Variants in HIPK2 observed in about 807,000 individuals in gnomAD.
The protein encoded by HIPK2 is homeodomain-interacting protein kinase 2.
HIPK2 carries 27 observed loss-of-function variants against 113.7 expected under a neutral mutation model. The ratio of observed to expected loss-of-function variants is 0.24; its 90% CI spans 0.17 to 0.33. HIPK2 has a LOEUF of 0.33. HIPK2 is among the 10% of genes least tolerant of loss of function. The pLI, the probability that HIPK2 is intolerant of heterozygous loss-of-function variation, is 1.00. For synonymous variants in HIPK2, 631 were observed against 642.2 expected (o/e 0.98, Z 0.26); for missense variants, 1,257 against 1,588.0 (o/e 0.79, Z 3.54).
intron 7 of HIPK2, among the ~76,000 whole-genome samples, chr7:139,616,960 G>T (rs1259604706): frequency 1.3e-5 from 2 of 152,208 alleles, no homozygotes; most frequent in African/African-American, 4.8e-5. Flanking sequence ...GAATCTTCCA[G>T]CTCTGTAGAC....
chr7:139,585,948 A>T (rs1798820545), intron 12 of HIPK2, among the ~76,000 whole-genome samples: 1 of 152,238 alleles, frequency 6.6e-6, no homozygotes, highest in Non-Finnish European at 1.5e-5. Flanking sequence ...TACCTATACA[A>T]AGAAATATGT....
intron 1 of HIPK2, among the ~76,000 whole-genome samples, chr7:139,772,277 A>C (rs1796664636): frequency 6.6e-6 from 1 of 152,230 alleles, no homozygotes; most frequent in South Asian, 2.1e-4. Context: ...CCAGGCGAAA[A>C]GGCTGGGAAT....
At chr7:139,752,478 C>A (rs1312149375) in intron 1 of HIPK2, among the ~76,000 whole-genome samples, 3 of 152,128 alleles carry the variant, frequency 2.0e-5, no homozygotes, top group Admixed American at 6.5e-5. Flanking sequence ...CCTCACCTCT[C>A]CCCCTTCTGC....
intron 1 of HIPK2, chr7:139,776,947 A>T (rs1585475876): frequency 6.6e-6 from 1 of 152,156 alleles, no homozygotes; most frequent in Non-Finnish European, 1.5e-5. Flanking sequence ...ACACAGATCG[A>T]CCCAGACCGA....
intron 5 of HIPK2, among the ~76,000 whole-genome samples, chr7:139,628,563 A>G (rs1414966384): frequency 6.6e-6 from 1 of 152,084 alleles, no homozygotes; most frequent in Non-Finnish European, 1.5e-5. Flanking sequence ...CCTCCCGAGT[A>G]GCTGAGATTA....
chr7:139,735,600 C>G (rs1795913444), intron 1 of HIPK2, among the ~76,000 whole-genome samples: 1 of 152,156 alleles, frequency 6.6e-6, no homozygotes, highest in African/African-American at 2.4e-5. Flanking sequence ...TTTTTCAGGT[C>G]AACAGGACGA....
At chr7:139,651,348 G>A (rs1801451322) in intron 2 of HIPK2, among the ~76,000 whole-genome samples, 1 of 152,166 alleles carries the variant, frequency 6.6e-6, no homozygotes, top group African/African-American at 2.4e-5. Context: ...GACACTCTTT[G>A]GCCTGCATAG....
intron 6 of HIPK2, among the ~76,000 whole-genome samples, chr7:139,622,949 T>G (rs1800286100): frequency 6.6e-6 from 1 of 152,070 alleles, no homozygotes; most frequent in African/African-American, 2.4e-5. Context: ...AACCCAGAGG[T>G]GGAAGGACTC....
intron 2 of HIPK2, among the ~76,000 whole-genome samples, chr7:139,647,122 T>C (rs1801261600): frequency 8.0e-6 from 1 of 125,406 alleles, no homozygotes; most frequent in Non-Finnish European, 1.8e-5. Flanking sequence ...ACTGATAGTT[T>C]TTTTTTTTTT....
chr7:139,607,564 T>C (rs529636376), intron 9 of HIPK2, among the ~76,000 whole-genome samples: 5 of 152,106 alleles, frequency 3.3e-5, no homozygotes, highest in South Asian at 2.1e-4. Flanking sequence ...TACAGAAAAC[T>C]AACCCAATGG....
At chr7:139,753,778 C>A (rs1291267358) in intron 1 of HIPK2, among the ~76,000 whole-genome samples, 1 of 152,226 alleles carries the variant, frequency 6.6e-6, no homozygotes. Flanking sequence ...CGGCCCCCAG[C>A]CAACGCCCTG....
intron 6 of HIPK2, among the ~76,000 whole-genome samples, chr7:139,622,445 T>C (rs556052923): frequency 1.1e-4 from 16 of 152,352 alleles, no homozygotes; most frequent in African/African-American, 2.6e-4. Flanking sequence ...GCTTAAAGCA[T>C]TTGGTTTCGT....
At chr7:139,590,436 G>A (rs990089082) in intron 12 of HIPK2, among the ~76,000 whole-genome samples, 1 of 152,140 alleles carries the variant, frequency 6.6e-6, no homozygotes, top group South Asian at 2.1e-4. Flanking sequence ...TTCCCTGTAG[G>A]GTCTTATCTG....
chr7:139,654,436 C>T (rs1801584242), intron 2 of HIPK2, among the ~76,000 whole-genome samples: 2 of 152,098 alleles, frequency 1.3e-5, no homozygotes, highest in Admixed American at 1.3e-4. Context: ...CTGCTTGAGT[C>T]TGAGAGGTTC....
rs367777286 is a variant in HIPK2, at chr7:139,572,981, G to A, written c.3543C>T (p.Val1181=). The A allele has an allele frequency of 2.0e-6, 3 of 1,535,624 alleles. No homozygotes were observed. Among genetic ancestry groups the A allele is most frequent in the Admixed American group, 3.5e-5 (2 of 57,056 alleles). Reference sequence around the variant, plus strand: ...CGGGGCTCAGTGGGTATCCAGTGTAGACGGTGGAGGCTGGCGAGGCGCTGA... The same window carrying A: ...CGGGGCTCAGTGGGTATCCAGTGTAAACGGTGGAGGCTGGCGAGGCGCTGA... ...TYISASPAST[V]YTGYPLSPAK... is the part of the protein sequence containing the mutation. Residue 1181 remains valine, a synonymous_variant, in exon 15 of 15, where the codon GTC becomes GTT. Coordinates refer to ENST00000406875, the MANE Select transcript of HIPK2 (RefSeq NM_022740.5).
chr7:139,721,174 G>A (rs557305139), intron 1 of HIPK2, among the ~76,000 whole-genome samples: 2 of 152,214 alleles, frequency 1.3e-5, no homozygotes, highest in Non-Finnish European at 2.9e-5. Context: ...CAGTGCAGAC[G>A]TGTTACCTTT....
rs1372702299 is a variant in HIPK2, at chr7:139,614,427, A to G, written c.1849T>C (p.Ser617Pro). The G allele has an allele frequency of 1.3e-6, 2 of 1,554,476 alleles. No individual in the cohort carries two copies. The highest frequency in any genetic ancestry group is 1.4e-5 in the African/African-American group (1 of 72,938). ...GCCGCTGAGGGCTGGTAGAGTGTAG[A>G]TGGGTAGTTTAGTATGGAGACTTCG... Reference protein sequence around the residue: ...NPEVSILNYPSTLYQPSAASM... With the variant: ...NPEVSILNYPPTLYQPSAASM... The change falls in exon 8 of 15, where the codon TCT (serine) becomes CCT (proline). Residue 617 changes from serine (S) to proline (P), a missense_variant. By Grantham distance (74) the Ser-to-Pro change is moderately conservative. This residue lies in a region of HIPK2 where 862 missense variants were observed against 1,004.3 expected (regional missense o/e 0.86). Coordinates refer to ENST00000406875, the MANE Select transcript of HIPK2 (RefSeq NM_022740.5).
chr7:139,635,680 G>C (rs1201238712), intron 2 of HIPK2, among the ~76,000 whole-genome samples: 1 of 152,048 alleles, frequency 6.6e-6, no homozygotes, highest in Non-Finnish European at 1.5e-5. Context: ...AGGTGGCTGG[G>C]AGACAGTACT....
intron 2 of HIPK2, among the ~76,000 whole-genome samples, chr7:139,715,578 A>T (rs1033354731): frequency 6.6e-5 from 10 of 152,166 alleles, no homozygotes; most frequent in Non-Finnish European, 2.9e-5. Context: ...TGTCTCCTGT[A>T]AATTCCCACT....
Sources: allele counts gnomAD v4.1 joint callset (sites outside exome capture counted in the v4.1 genomes callset), GRCh38; gene constraint gnomAD v4.1.1; regional missense constraint gnomAD v4.1.1; transcripts MANE v1.5; gene names NCBI Gene and HGNC (gene_info 2026-07-23, HGNC 2026-07-21).